The following SPON1 variants were observed in gnomAD, a reference collection of about 807,000 sequenced individuals.
SPON1 encodes the protein spondin 1.
SPON1 carries 52 observed loss-of-function variants against 111.7 expected under a neutral mutation model. The ratio of observed to expected loss-of-function variants is 0.47; its 90% confidence interval spans 0.37 to 0.59. The LOEUF (loss-of-function observed/expected upper bound fraction) is 0.59, where lower values mean the gene tolerates loss of function less well. SPON1 is among the 20% of genes least tolerant of loss of function. The probability of loss-of-function intolerance (pLI) is 0.00; values close to 1 mark genes in which losing one functional copy is unlikely to be tolerated. For synonymous variants in SPON1, 410 were observed against 395.8 expected (o/e 1.04, Z -0.43); for missense variants, 957 against 1,068.5 (o/e 0.90, Z 1.46).
At chr11:13,969,749 C>A (rs1362244519) in intron 1 of SPON1, among the ~76,000 whole-genome samples, 1 of 152,208 alleles carries the variant, frequency 6.6e-6, no homozygotes, top group Non-Finnish European at 1.5e-5. Flanking sequence ...CAGCTTCAAC[C>A]TAGCCTTATC....
At chr11:14,077,784 C>A (rs975878078) in intron 4 of SPON1, among the ~76,000 whole-genome samples, 4 of 151,386 alleles carry the variant, frequency 2.6e-5, no homozygotes, top group Admixed American at 2.6e-4. Context: ...CGTGCCCGGC[C>A]CTGCATACAC....
chr11:14,212,676 T>G (rs570189479), intron 6 of SPON1, among the ~76,000 whole-genome samples: 6 of 152,318 alleles, frequency 3.9e-5, no homozygotes, highest in African/African-American at 1.4e-4. Context: ...ACAGTGCCTG[T>G]CCTCACTAAG....
rs528045657 is a variant in SPON1, at chr11:14,266,705, T to C, written c.*1018T>C. On this transcript the variant is annotated 3_prime_UTR_variant, in exon 16 of 16. Coordinates refer to ENST00000576479, the MANE Select transcript of SPON1 (RefSeq NM_006108.4). ...AAATACAATCTCTGTACTTTAAAGT[T>C]ATTTTAGTCATGAAATTTTATATGC... 1 of 152,322 alleles carries C rather than the reference T, an allele frequency of 6.6e-6. No individual in the cohort carries two copies. Among genetic ancestry groups the C allele is most frequent in the South Asian group, 2.1e-4 (1 of 4,826 alleles). The allele number at this position is 152,322 out of a possible 1,614,324, so 9.4% of individuals were successfully genotyped here. A position where few individuals can be genotyped will look rare whatever the true frequency, so the allele number is the denominator to read the frequency against.
rs782759288 is a variant in SPON1, at chr11:14,228,214, G to A, written c.826-15118G>A. ...CACCAGGGCCCTTTGGGCTAACTCA[G>A]TTCTCCCACTGTTCTTCCAACCACT... On this transcript the variant is annotated intron_variant, in intron 6 of 15. Coordinates refer to ENST00000576479, the MANE Select transcript of SPON1 (RefSeq NM_006108.4). The surrounding 1 kb of genome is among the most constrained non-coding windows in gnomAD (Gnocchi z 4.2). Among the ~76,000 whole-genome samples, 1 of 152,170 alleles carries A rather than the reference G, an allele frequency of 6.6e-6. No individual in the cohort carries two copies. Among genetic ancestry groups the A allele is most frequent in the African/African-American group, 2.4e-5 (1 of 41,444 alleles).
chr11:13,970,581 T>C (rs548427768), intron 1 of SPON1, among the ~76,000 whole-genome samples: 13 of 152,186 alleles, frequency 8.5e-5, no homozygotes, highest in Non-Finnish European at 1.6e-4. Context: ...TACAGGAAGC[T>C]CTTTTCTCCT....
At chr11:14,261,737 G>GCCTT (rs1194118446) in intron 14 of SPON1, among the ~76,000 whole-genome samples, 4 of 152,138 alleles carry the variant, frequency 2.6e-5, no homozygotes, top group Admixed American at 1.3e-4. Context: ...GGGCCCCATA[G>GCCTT]CCTTCTGACT....
intron 5 of SPON1, among the ~76,000 whole-genome samples, chr11:14,131,540 C>G (rs1847530210): frequency 6.6e-6 from 1 of 152,190 alleles, no homozygotes; most frequent in Admixed American, 6.5e-5. Flanking sequence ...CTTGCTCCAC[C>G]ACCTTCTTTT....
At chr11:14,198,763 C>T (rs1848429001) in intron 6 of SPON1, among the ~76,000 whole-genome samples, 4 of 152,214 alleles carry the variant, frequency 2.6e-5, no homozygotes, top group African/African-American at 7.2e-5. Context: ...TTCATGACAA[C>T]TACATGATGT....
At position 14,141,021 on chromosome 11, in the gene SPON1, G is replaced by GC. The variant is rs541380689; in HGVS notation, c.825+5461dup. ...TAAAACATCCACTGTATGCAGGCGTGCCCCCCCCATGCCCCACTTCTCACT... is the reference window on the plus strand; with the variant it reads ...TAAAACATCCACTGTATGCAGGCGTGCCCCCCCCCATGCCCCACTTCTCACT... On this transcript the variant is annotated intron_variant, in intron 6 of 15. Transcript: ENST00000576479. Among the ~76,000 whole-genome samples the GC allele has an allele frequency of 1.4e-3, 162 of 114,684 alleles. 4 individuals carry two copies. Among genetic ancestry groups the GC allele is most frequent in the Middle Eastern group, 5.1e-3 (1 of 198 alleles). The allele number at this position is 114,684 out of a possible 152,430, so 75.2% of individuals were successfully genotyped here.
At chr11:14,030,344 T>C (rs1214787812) in intron 2 of SPON1, among the ~76,000 whole-genome samples, 2 of 152,190 alleles carry the variant, frequency 1.3e-5, no homozygotes, top group East Asian at 1.9e-4. Context: ...ACAACTCACA[T>C]AGCATGGAGG....
chr11:14,057,468 A>G (rs1848753314), intron 3 of SPON1, among the ~76,000 whole-genome samples: 1 of 152,230 alleles, frequency 6.6e-6, no homozygotes. Flanking sequence ...ATTATCTGCA[A>G]CAGAACAATT....
chr11:13,999,498 C>T lies in SPON1; in HGVS notation c.345+16545C>T, dbSNP rs556885507. 3.9e-5 allele frequency among the ~76,000 whole-genome samples: 6 copies of T among 151,966 alleles called. No homozygotes were observed. In the East Asian group the frequency reaches 1.2e-3, roughly 29 times the overall value. ...TCAGCTCACTGCAACTTCCACCTCC[C>T]GTGTTCAAGCAATTCTCCTGCCTCA... is the stretch of plus-strand genomic sequence containing the variant. On this transcript the variant is annotated intron_variant, in intron 2 of 15. Transcript: ENST00000576479.
chr11:14,265,370 C>T (rs1260119406), intron 15 of SPON1, among the ~76,000 whole-genome samples, 154 bp from the exon 16 acceptor site: 2 of 152,164 alleles, frequency 1.3e-5, no homozygotes, highest in Admixed American at 6.5e-5. Flanking sequence ...CAGTCACATA[C>T]GACCTAACTG....
At chr11:14,199,118 G>T (rs553711625) in intron 6 of SPON1, among the ~76,000 whole-genome samples, 1 of 152,132 alleles carries the variant, frequency 6.6e-6, no homozygotes, top group Admixed American at 6.5e-5. Flanking sequence ...AGCCCTGTTT[G>T]CTGGGCATGT....
At chr11:14,168,007 C>T (rs552455929) in intron 6 of SPON1, among the ~76,000 whole-genome samples, 1 of 152,112 alleles carries the variant, frequency 6.6e-6, no homozygotes, top group Non-Finnish European at 1.5e-5. Context: ...TATTCCTATG[C>T]CTTCTTATAA....
At chr11:14,226,080 A>C (rs1372668410) in intron 6 of SPON1, among the ~76,000 whole-genome samples, 4 of 152,236 alleles carry the variant, frequency 2.6e-5, no homozygotes, top group Non-Finnish European at 5.9e-5. Flanking sequence ...TCTAACATTT[A>C]ATCTTTACAA....
intron 6 of SPON1, among the ~76,000 whole-genome samples, chr11:14,161,005 ATATATT>A (rs1847941677): frequency 1.1e-5 from 1 of 87,380 alleles, no homozygotes; most frequent in Non-Finnish European, 1.9e-5. Context: ...TTATATATTT[ATATATT>A]TATATATCTA....
intron 6 of SPON1, among the ~76,000 whole-genome samples, chr11:14,206,161 C>T (rs1290392625): frequency 6.6e-6 from 1 of 151,946 alleles, no homozygotes; most frequent in Non-Finnish European, 1.5e-5. Context: ...AAATATTTTT[C>T]CAGTATGTGA....
At chr11:14,086,960 G>A (rs1554922699) in intron 5 of SPON1, among the ~76,000 whole-genome samples, 1 of 152,052 alleles carries the variant, frequency 6.6e-6, no homozygotes, top group East Asian at 1.9e-4. Context: ...TTCTCTGATG[G>A]GAGTCTGTAG....
Sources: gnomAD v4.1 joint callset for allele counts (sites outside exome capture counted in the v4.1 genomes callset) on GRCh38, gnomAD v4.1.1 for gene constraint, Gnocchi (gnomAD v3.1) non-coding constraint, MANE v1.5 for transcripts, NCBI Gene and HGNC (gene_info 2026-07-23, HGNC 2026-07-21) for gene names.